The following SLC4A10 variants were observed in gnomAD, a reference collection of about 807,000 sequenced individuals.
The protein encoded by SLC4A10 is sodium-driven chloride bicarbonate exchanger.
In SLC4A10, 42 loss-of-function variants were observed where a neutral mutation model predicts 137.7. That is an observed-to-expected ratio of 0.30 (90% CI 0.24 to 0.39). The LOEUF is 0.39. Ranked by LOEUF, SLC4A10 falls within the 10% of genes least tolerant of loss-of-function variation. SLC4A10 has a pLI of 1.00. For synonymous variants in SLC4A10, 474 were observed against 464.1 expected, an observed-to-expected ratio of 1.02 and a Z score of -0.27; for missense variants, 925 against 1,355.0, an observed-to-expected ratio of 0.68 and a Z score of 4.98.
intron 21 of SLC4A10, 139 bp downstream of exon 21, chr2:161,958,694 G>T (rs1304307362): frequency 1.8e-6 from 1 of 570,440 alleles, no homozygotes; most frequent in Non-Finnish European, 3.0e-6. Flanking sequence ...AAACTTGTCA[G>T]AGTTACAAAA....
chr2:161,674,039 A>C (rs1196770586), intron 1 of SLC4A10, among the ~76,000 whole-genome samples: 3 of 152,144 alleles, frequency 2.0e-5, no homozygotes, highest in Non-Finnish European at 4.4e-5. Context: ...AAAAATCCAC[A>C]TTTAAAAATA....
At chr2:161,694,472 T>TAA (rs60022977) in intron 1 of SLC4A10, among the ~76,000 whole-genome samples, 1 of 146,954 alleles carries the variant, frequency 6.8e-6, no homozygotes, top group East Asian at 2.0e-4. Flanking sequence ...AGCAGATTGT[T>TAA]AAAAAAAAAA....
rs1030911086 is a variant in SLC4A10, at chr2:161,983,365, A to C, written c.*213A>C. The C allele has an allele frequency of 3.8e-5, 31 of 812,946 alleles. No homozygotes were observed. The highest frequency in any genetic ancestry group is 6.0e-5 in the Non-Finnish European group (31 of 520,102). 50.4% of individuals were successfully genotyped at this position (812,946 alleles called of 1,614,324 possible). On this transcript the variant is annotated 3_prime_UTR_variant, in exon 27 of 27. Coordinates refer to ENST00000446997, the MANE Select transcript of SLC4A10 (RefSeq NM_001178015.2). ...AACCCAAATCCACCTTCATACTGTA[A>C]GTAGTGCAATACTTGTTTCATTTCT...
chr2:161,866,218 G>A (rs1301392305), intron 6 of SLC4A10, among the ~76,000 whole-genome samples: 1 of 151,894 alleles, frequency 6.6e-6, no homozygotes. Flanking sequence ...AGTACTCTCC[G>A]GGGTTAAACA....
chr2:161,630,209 T>A (rs567936610), intron 1 of SLC4A10, among the ~76,000 whole-genome samples: 1 of 151,986 alleles, frequency 6.6e-6, no homozygotes, highest in East Asian at 1.9e-4. Context: ...TGTCAGTTTT[T>A]TATACGTTGT....
chr2:161,887,378 G>A (rs1361685372), intron 10 of SLC4A10, among the ~76,000 whole-genome samples: 2 of 146,534 alleles, frequency 1.4e-5, no homozygotes, highest in African/African-American at 4.9e-5. Context: ...CTAGATCCTT[G>A]AGGAATTGCC....
At chr2:161,973,125 C>G (rs1009946047) in intron 23 of SLC4A10, among the ~76,000 whole-genome samples, 1 of 152,116 alleles carries the variant, frequency 6.6e-6, no homozygotes. Context: ...AGGAAATGAG[C>G]CTTCAGGGCC....
At chr2:161,753,855 GTTAT>G (rs151205439) in intron 1 of SLC4A10, among the ~76,000 whole-genome samples, 3,744 of 134,750 alleles carry the variant, frequency 0.028, 67 homozygotes, top group South Asian at 0.051. Context: ...AATAACTCGA[GTTAT>G]TTATTTATTT....
chr2:161,715,222 A>C lies in SLC4A10; in HGVS notation c.49-55751A>C, dbSNP rs1291211453. Reference sequence around the variant, plus strand: ...TTAACTACTGTTTCATACTGTTTAGAGTATAAACACCTGAATTAGATAGCC... The same window carrying C: ...TTAACTACTGTTTCATACTGTTTAGCGTATAAACACCTGAATTAGATAGCC... On this transcript the variant is annotated intron_variant, in intron 1 of 26. Transcript: ENST00000446997. Among the ~76,000 whole-genome samples the C allele has an allele frequency of 2.0e-5, 3 of 152,056 alleles. No homozygotes were observed. The East Asian group carries it at 5.8e-4, about 29-fold the overall frequency.
intron 7 of SLC4A10, among the ~76,000 whole-genome samples, chr2:161,873,530 CAAAAAAAAAAA>C (rs759717096): frequency 5.2e-4 from 9 of 17,336 alleles, no homozygotes; most frequent in African/African-American, 1.5e-3. Context: ...GACCACATCT[CAAAAAAAAAAA>C]AAAAAAAAAA....
chr2:161,856,188 G>T (rs183456928), intron 5 of SLC4A10, among the ~76,000 whole-genome samples: 1 of 152,070 alleles, frequency 6.6e-6, no homozygotes, highest in East Asian at 1.9e-4. Flanking sequence ...TGAAGAAAAA[G>T]AAATGTCTTG....
chr2:161,933,125 G>A (rs1328850494), intron 15 of SLC4A10, among the ~76,000 whole-genome samples: 1 of 21,034 alleles, frequency 4.8e-5, no homozygotes, highest in Non-Finnish European at 9.2e-5. Context: ...TTTCTTTCCT[G>A]CCTGTTTTTC....
chr2:161,827,767 A>G (rs1004371021), intron 3 of SLC4A10, among the ~76,000 whole-genome samples: 7 of 152,032 alleles, frequency 4.6e-5, no homozygotes, highest in African/African-American at 1.4e-4. Flanking sequence ...GGGTTTCGCC[A>G]TGTTAGCCAG....
chr2:161,882,463 T>C lies in SLC4A10; in HGVS notation c.1194+19T>C. On this transcript the variant is annotated intron_variant, in intron 10 of 26. Coordinates refer to ENST00000446997, the MANE Select transcript of SLC4A10 (RefSeq NM_001178015.2). ...AGATGAGGTATTTATTCAAGTTCTT[T>C]GGGAACATTTTCCCCCATTAGGTAT... 1 of 1,529,510 alleles carries C rather than the reference T, an allele frequency of 6.5e-7. No individual in the cohort carries two copies. The highest frequency in any genetic ancestry group is 8.8e-7 in the Non-Finnish European group (1 of 1,131,044). The allele number at this position is 1,529,510 out of a possible 1,614,324, so 94.7% of individuals were successfully genotyped here.
rs192373707 is a variant in SLC4A10 at position 161,802,677 on chromosome 2, C to A, written c.131-1772C>A. Among the ~76,000 whole-genome samples the A allele has an allele frequency of 8.8e-3, 1,347 of 152,208 alleles. 8 individuals carry two copies. The highest frequency in any genetic ancestry group is 0.015 in the Non-Finnish European group (1,029 of 67,992). ...TACAGAAATGTATTTTCTCACAGTT[C>A]TGGAGGCTGGGACACCTAAGATCAA... On this transcript the variant is annotated intron_variant, in intron 2 of 26. Coordinates refer to ENST00000446997, the MANE Select transcript of SLC4A10 (RefSeq NM_001178015.2).
intron 1 of SLC4A10, among the ~76,000 whole-genome samples, chr2:161,660,583 T>TCTTTCTTC (rs2038187952): frequency 7.6e-6 from 1 of 131,306 alleles, no homozygotes; most frequent in African/African-American, 2.6e-5. Flanking sequence ...TTTCTTTCTT[T>TCTTTCTTC]CTTTCTTTCT....
At chr2:161,768,661 T>C (rs1025424655) in intron 1 of SLC4A10, among the ~76,000 whole-genome samples, 1 of 151,984 alleles carries the variant, frequency 6.6e-6, no homozygotes, top group Middle Eastern at 3.2e-3. Flanking sequence ...TTTAGTAGAC[T>C]TCCCATCTAT....
At chr2:161,895,192 C>A (rs758588370) in intron 11 of SLC4A10, among the ~76,000 whole-genome samples, 1 of 151,570 alleles carries the variant, frequency 6.6e-6, no homozygotes. Context: ...CGATAGTTTA[C>A]TGAGAATGAT....
chr2:161,833,028 C>T (rs778625941), intron 3 of SLC4A10, among the ~76,000 whole-genome samples: 5 of 152,158 alleles, frequency 3.3e-5, no homozygotes, highest in Admixed American at 6.5e-5. Flanking sequence ...TACAGGCGTG[C>T]GCCACCGCGC....
Sources: allele counts gnomAD v4.1 joint callset (sites outside exome capture counted in the v4.1 genomes callset), GRCh38; gene constraint gnomAD v4.1.1; transcripts MANE v1.5; gene names NCBI Gene and HGNC (gene_info 2026-07-23, HGNC 2026-07-21).